Variants in FAM221A observed in about 807,000 individuals in gnomAD.
The protein encoded by FAM221A is protein FAM221A.
In FAM221A, 43 loss-of-function variants were observed where a neutral mutation model predicts 37.6. The observed-to-expected ratio is 1.15, with a 90% CI of 0.90 to 1.48. The LOEUF (loss-of-function observed/expected upper bound fraction) is 1.48. Ranked by LOEUF, FAM221A falls within the 40% of genes most tolerant of loss-of-function variation. The probability of loss-of-function intolerance (pLI) is 0.00; values close to 1 mark genes in which losing one functional copy is unlikely to be tolerated. For synonymous variants in FAM221A, 135 were observed against 132.9 expected, an observed-to-expected ratio of 1.02 and a Z score of -0.11; for missense variants, 361 against 361.5, an observed-to-expected ratio of 1.00 and a Z score of 0.01.
chr7:23,682,023 C>T (rs1044539429), intron 1 of FAM221A, among the ~76,000 whole-genome samples: 6 of 152,058 alleles, frequency 3.9e-5, no homozygotes, highest in African/African-American at 1.4e-4. Flanking sequence ...CCTGGCATCA[C>T]CTGTTAGCTT....
chr7:23,689,400 G>A lies in FAM221A; in HGVS notation c.371G>A (p.Cys124Tyr). 2 of 1,606,970 alleles carry A rather than the reference G, an allele frequency of 1.2e-6. No homozygotes were observed. Among genetic ancestry groups the A allele is most frequent in the Non-Finnish European group, 1.7e-6 (2 of 1,174,604 alleles). The change falls in exon 3 of 7, where the codon TGC becomes TAC. Residue 124 changes from cysteine (C) to tyrosine (Y), a missense_variant. Physicochemically the swap from Cys to Tyr is radical, Grantham distance 194. Transcript: ENST00000344962. ...VPLNGSQPIRCRCKHFADQHS... is the reference protein window; with the variant it reads ...VPLNGSQPIRYRCKHFADQHS... ...TTGAATGGTAGCCAGCCCATTCGCTGCAGGTGCAAACACTTTGCTGATCAG... is the reference window on the plus strand; with the variant it reads ...TTGAATGGTAGCCAGCCCATTCGCTACAGGTGCAAACACTTTGCTGATCAG...
intron 6 of FAM221A, among the ~76,000 whole-genome samples, chr7:23,701,346 TCTC>T (rs1785436991): frequency 6.6e-6 from 1 of 151,244 alleles, no homozygotes; most frequent in Admixed American, 6.6e-5. Flanking sequence ...TTCACGCCAT[TCTC>T]CTGCTTCAGC....
At chr7:23,680,382 T>G (rs1245117016) in intron 1 of FAM221A, 99 bp downstream of exon 1, 2 of 921,954 alleles carry the variant, frequency 2.2e-6, no homozygotes, top group Non-Finnish European at 3.2e-6. Flanking sequence ...TCCGCGGGGG[T>G]TCCCGGAATC....
rs188348504 is a variant in FAM221A, at chr7:23,692,210, G to A, written c.637+614G>A. 2,362 of 972,636 alleles carry A rather than the reference G, an allele frequency of 2.4e-3. 5 individuals are homozygous for A. The highest frequency in any genetic ancestry group is 2.7e-3 in the Non-Finnish European group (2,222 of 818,452). The allele number at this position is 972,636 out of a possible 1,614,324, so 60.3% of individuals were successfully genotyped here. A position where few individuals can be genotyped will look rare whatever the true frequency, so the allele number is the denominator to read the frequency against. ...AGATGGATCCTTCTGAGAGCTGAGCGGGACTGGGGAGCAGAATGTGTTCCC... is the reference window on the plus strand; with the variant it reads ...AGATGGATCCTTCTGAGAGCTGAGCAGGACTGGGGAGCAGAATGTGTTCCC... On this transcript the variant is annotated intron_variant, in intron 4 of 6. Transcript: ENST00000344962.
intron 4 of FAM221A, 21 bp from the exon 5 acceptor site, chr7:23,698,171 C>T: frequency 8.3e-7 from 1 of 1,205,588 alleles, no homozygotes; most frequent in Non-Finnish European, 1.2e-6. Context: ...AATTTTTATT[C>T]TCCATGTATT....
intron 3 of FAM221A, among the ~76,000 whole-genome samples, chr7:23,691,060 A>C (rs1784712453): frequency 6.6e-6 from 1 of 152,068 alleles, no homozygotes; most frequent in African/African-American, 2.4e-5. Context: ...TTTCTACATT[A>C]TCTCTTCACC....
At chr7:23,692,092 T>C in intron 4 of FAM221A, 1 of 487,854 alleles carries the variant, frequency 2.0e-6, no homozygotes, top group Non-Finnish European at 2.7e-6. Flanking sequence ...TATGTATATA[T>C]GTATGTGCAC....
chr7:23,702,197 G>A lies in FAM221A; in HGVS notation c.*33G>A, dbSNP rs1350665867. ...TGGAGAAATTAAAACCATCATCCAAGTATCTTTTTCATGTTTATTTAAATG... is the reference window on the plus strand; with the variant it reads ...TGGAGAAATTAAAACCATCATCCAAATATCTTTTTCATGTTTATTTAAATG... On this transcript the variant is annotated 3_prime_UTR_variant, in exon 7 of 7. Coordinates refer to ENST00000344962, the MANE Select transcript of FAM221A (RefSeq NM_199136.5). 1 of 1,383,418 alleles carries A rather than the reference G, an allele frequency of 7.2e-7. No homozygotes were observed. The highest frequency in any genetic ancestry group is 9.9e-7 in the Non-Finnish European group (1 of 1,009,370). 85.7% of individuals were successfully genotyped at this position (1,383,418 alleles called of 1,614,324 possible). A position where few individuals can be genotyped will look rare whatever the true frequency, so the allele number is the denominator to read the frequency against.
chr7:23,693,758 T>G (rs1339296815), intron 4 of FAM221A: 1 of 152,220 alleles, frequency 6.6e-6, no homozygotes, highest in Non-Finnish European at 1.5e-5. Context: ...TAACTTCAGT[T>G]TTTGTCTAAA....
chr7:23,693,462 C>T (rs550584465), intron 4 of FAM221A: 22 of 149,886 alleles, frequency 1.5e-4, no homozygotes, highest in African/African-American at 4.9e-4. Flanking sequence ...TATTCATATC[C>T]CTTGCTCATT....
At position 23,689,255 on chromosome 7, in the gene FAM221A, T is replaced by G. The variant is rs757342859; in HGVS notation, c.240-14T>G. On this transcript the variant is annotated splice_polypyrimidine_tract_variant and intron_variant, in intron 2 of 6. Transcript: ENST00000344962. ...GTATTGTGTTTATATTTCTCTCTCT[T>G]TCTCCTTTTTTAGGTATAAACAACA... 6.7e-7 allele frequency: 1 copy of G among 1,498,394 alleles called. No individual in the cohort carries two copies. The highest frequency in any genetic ancestry group is 1.4e-5 in the African/African-American group (1 of 73,296). 92.8% of individuals were successfully genotyped at this position (1,498,394 alleles called of 1,614,324 possible). A position where few individuals can be genotyped will look rare whatever the true frequency, so the allele number is the denominator to read the frequency against.
intron 1 of FAM221A, among the ~76,000 whole-genome samples, chr7:23,681,288 T>G (rs1221984818): frequency 1.3e-5 from 2 of 152,210 alleles, no homozygotes; most frequent in Non-Finnish European, 2.9e-5. Flanking sequence ...GGGAGCAAGT[T>G]GCTGGAGCTG....
chr7:23,694,528 A>T (rs1784936584), intron 4 of FAM221A: 1 of 152,244 alleles, frequency 6.6e-6, no homozygotes. Context: ...AAACATAATG[A>T]TGATGATGAT....
In FAM221A at chr7:23,698,300, G is replaced by A. The variant is rs752207529; in HGVS notation, c.745+1G>A. 5 of 1,492,836 alleles carry A rather than the reference G, an allele frequency of 3.3e-6. No individual in the cohort carries two copies. The highest frequency in any genetic ancestry group is 4.6e-6 in the Non-Finnish European group (5 of 1,085,674). The allele number at this position is 1,492,836 out of a possible 1,614,324, so 92.5% of individuals were successfully genotyped here. A position where few individuals can be genotyped will look rare whatever the true frequency, so the allele number is the denominator to read the frequency against. ...TCTTCTCCAGAAACGTTAACAGATG[G>A]TAATGAAATGAAGTTTAGAACTGTT... On this transcript the variant is annotated splice_donor_variant, in intron 5 of 6. Coordinates refer to ENST00000344962, the MANE Select transcript of FAM221A (RefSeq NM_199136.5). LOFTEE classifies it high-confidence loss of function.
chr7:23,680,342 C>CT, intron 1 of FAM221A, 59 bp downstream of exon 1: 1 of 1,414,586 alleles, frequency 7.1e-7, no homozygotes, highest in South Asian at 1.3e-5. Flanking sequence ...GATCCCTGGG[C>CT]TGGGGGCGCG....
intron 4 of FAM221A, among the ~76,000 whole-genome samples, chr7:23,697,749 T>A (rs1330215515): frequency 6.6e-6 from 1 of 152,164 alleles, no homozygotes; most frequent in African/African-American, 2.4e-5. Context: ...ACTTTATATG[T>A]CAGACAAAAA....
intron 5 of FAM221A, among the ~76,000 whole-genome samples, chr7:23,700,093 A>G (rs1785323297): frequency 6.6e-6 from 1 of 152,150 alleles, no homozygotes; most frequent in Non-Finnish European, 1.5e-5. Context: ...CTCTGTGGTG[A>G]TTGTCTGGAG....
At chr7:23,685,325 A>C (rs1395876710) in intron 2 of FAM221A, among the ~76,000 whole-genome samples, 5 of 152,162 alleles carry the variant, frequency 3.3e-5, no homozygotes, top group Non-Finnish European at 7.3e-5. Context: ...AAATTATCTA[A>C]AGGTTTTTAA....
chr7:23,682,204 T>C (rs968512038), intron 1 of FAM221A, among the ~76,000 whole-genome samples: 38 of 151,942 alleles, frequency 2.5e-4, no homozygotes, highest in Admixed American at 4.6e-4. Flanking sequence ...TAGCTAGGAC[T>C]ACAGGCATGC....
Sources: allele counts gnomAD v4.1 joint callset (sites outside exome capture counted in the v4.1 genomes callset), GRCh38; gene constraint gnomAD v4.1.1; transcripts MANE v1.5; gene names NCBI Gene and HGNC (gene_info 2026-07-23, HGNC 2026-07-21).